The following FMN1 variants were observed in gnomAD, a reference collection of about 807,000 sequenced individuals.
FMN1 encodes formin-1.
In FMN1, 110 loss-of-function variants were observed where a neutral mutation model predicts 132.4. The ratio of observed to expected loss-of-function variants is 0.83; its 90% CI spans 0.71 to 0.97. The LOEUF (loss-of-function observed/expected upper bound fraction) is 0.97, where lower values mean the gene tolerates loss of function less well. FMN1 is among the 50% of genes least tolerant of loss of function. FMN1 has a pLI of 0.00. For synonymous variants in FMN1, 722 were observed against 651.7 expected (o/e 1.11, Z -1.64); for missense variants, 1,792 against 1,705.3 (o/e 1.05, Z -0.90).
rs528947363 is a variant in FMN1 at position 32,908,220 on chromosome 15, T to C, written c.3377+270A>G. 3.1e-4 allele frequency: 111 copies of C among 360,900 alleles called. 3 individuals are homozygous for C. In the South Asian group the frequency reaches 3.6e-3, roughly 12 times the overall value. The allele number at this position is 360,900 out of a possible 1,614,324, so 22.4% of individuals were successfully genotyped here. ...ACCCTTTTGGTCAAATTGTTTAGTC[T>C]AGGAGGAATTAACAAGTTGCTAGAA... On this transcript the variant is annotated intron_variant, in intron 12 of 20. Coordinates refer to ENST00000616417, the MANE Select transcript of FMN1 (RefSeq NM_001277313.2).
intron 6 of FMN1, among the ~76,000 whole-genome samples, chr15:33,035,108 A>G (rs955248164): frequency 6.6e-6 from 1 of 152,236 alleles, no homozygotes; most frequent in African/African-American, 2.4e-5. Context: ...AGGTGTCAAC[A>G]TATTTTTAAT....
At chr15:32,882,247 C>T (rs2059788562) in intron 16 of FMN1, among the ~76,000 whole-genome samples, 1 of 152,158 alleles carries the variant, frequency 6.6e-6, no homozygotes, top group Admixed American at 6.5e-5. Flanking sequence ...GGTGAGCCTG[C>T]AAACTGTAAA....
rs535390990 is a variant in FMN1 at position 33,125,815 on chromosome 15, T to C, written c.1867+27233A>G. Among the ~76,000 whole-genome samples, 10 of 152,346 alleles carry C rather than the reference T, an allele frequency of 6.6e-5. 1 individual carries two copies. Among genetic ancestry groups the C allele is most frequent in the Admixed American group, 6.5e-4 (10 of 15,312 alleles). On this transcript the variant is annotated intron_variant, in intron 4 of 20. Transcript: ENST00000616417. ...TGACTGAGCCCTTCCTATTTTCATG[T>C]AGTTCATCAAGAATGTGCTTCATCA...
At chr15:33,026,395 G>A (rs1424353001) in intron 6 of FMN1, among the ~76,000 whole-genome samples, 2 of 67,052 alleles carry the variant, frequency 3.0e-5, no homozygotes, top group South Asian at 7.9e-4. Context: ...AACATTAGAG[G>A]ATACGTCCAA....
intron 6 of FMN1, among the ~76,000 whole-genome samples, chr15:33,009,336 G>A (rs1367660926): frequency 6.6e-6 from 1 of 152,164 alleles, no homozygotes; most frequent in Non-Finnish European, 1.5e-5. Flanking sequence ...AGCAGACTGA[G>A]TGATCTACAT....
chr15:33,047,420 G>C (rs184463480), intron 6 of FMN1, among the ~76,000 whole-genome samples: 2 of 152,162 alleles, frequency 1.3e-5, no homozygotes, highest in Admixed American at 1.3e-4. Flanking sequence ...TGAGTAATAA[G>C]ATATTTAAAA....
chr15:33,113,058 A>G (rs77909202), intron 4 of FMN1, among the ~76,000 whole-genome samples: 10,110 of 152,268 alleles, frequency 0.066, 344 homozygotes, highest in Middle Eastern at 0.11. Context: ...CAAAATACTT[A>G]TATCTAAAGT....
chr15:33,188,209 G>A (rs1486060028), intron 2 of FMN1, among the ~76,000 whole-genome samples: 8 of 151,806 alleles, frequency 5.3e-5, no homozygotes, highest in African/African-American at 1.7e-4. Flanking sequence ...GTGTGGTGGC[G>A]CACGCCTGTG....
chr15:32,822,266 G>A (rs529803831), intron 17 of FMN1, among the ~76,000 whole-genome samples: 11 of 152,250 alleles, frequency 7.2e-5, no homozygotes, highest in African/African-American at 2.4e-4. Flanking sequence ...GGAGAATCAC[G>A]TGAACCCAGG....
chr15:32,970,344 A>G (rs1471278466), intron 7 of FMN1, among the ~76,000 whole-genome samples: 3 of 152,230 alleles, frequency 2.0e-5, no homozygotes, highest in African/African-American at 7.2e-5. Context: ...TTCAAAATCC[A>G]GTTTAACAGT....
At chr15:33,026,108 CA>C (rs2035655741) in intron 6 of FMN1, among the ~76,000 whole-genome samples, 1 of 107,104 alleles carries the variant, frequency 9.3e-6, no homozygotes, top group Non-Finnish European at 2.3e-5. Context: ...CACACACACA[CA>C]CACACACACA....
intron 4 of FMN1, among the ~76,000 whole-genome samples, chr15:33,094,421 T>C (rs2039006404): frequency 6.6e-6 from 1 of 152,224 alleles, no homozygotes; most frequent in East Asian, 1.9e-4. Context: ...GCTATTTTTC[T>C]TTTGTCAGAG....
intron 17 of FMN1, among the ~76,000 whole-genome samples, chr15:32,856,372 T>C (rs926597926): frequency 2.6e-5 from 4 of 152,248 alleles, no homozygotes; most frequent in African/African-American, 9.6e-5. Flanking sequence ...TACTTCCATG[T>C]TCACTAACCC....
At chr15:32,893,144 T>C (rs2060072835) in intron 15 of FMN1, among the ~76,000 whole-genome samples, 1 of 152,206 alleles carries the variant, frequency 6.6e-6, no homozygotes, top group Non-Finnish European at 1.5e-5. Flanking sequence ...TAGGATACAG[T>C]AGTTTTCTTC....
intron 10 of FMN1, among the ~76,000 whole-genome samples, chr15:32,912,525 A>G (rs1031733683): frequency 1.3e-5 from 2 of 152,232 alleles, no homozygotes; most frequent in African/African-American, 4.8e-5. Context: ...TAAACAAGTA[A>G]ATACATAATT....
intron 6 of FMN1, among the ~76,000 whole-genome samples, chr15:33,030,360 G>A (rs1028009124): frequency 9.9e-5 from 15 of 152,148 alleles, no homozygotes; most frequent in African/African-American, 2.9e-4. Flanking sequence ...GAATGTGACC[G>A]GAAAAGTTCA....
chr15:33,067,532 G>A lies in FMN1; in HGVS notation c.2044-2458C>T, dbSNP rs2037799099. ...AGTAGACAGTGGAAGCAGCTCTTGA[G>A]CAAGGAGAGATGTCCCTGCTTCTTT... On this transcript the variant is annotated intron_variant, in intron 5 of 20. Coordinates refer to ENST00000616417, the MANE Select transcript of FMN1 (RefSeq NM_001277313.2). 5.6e-6 allele frequency: 9 copies of A among 1,613,976 alleles called. No individual in the cohort carries two copies. The highest frequency in any genetic ancestry group is 7.6e-6 in the Non-Finnish European group (9 of 1,179,882).
intron 7 of FMN1, among the ~76,000 whole-genome samples, chr15:33,006,563 G>A (rs1039336314): frequency 6.6e-6 from 1 of 151,720 alleles, no homozygotes; most frequent in African/African-American, 2.4e-5. Context: ...AATGAAGTCA[G>A]TATGTTGAAG....
intron 6 of FMN1, among the ~76,000 whole-genome samples, chr15:33,018,372 T>G (rs1056657110): frequency 6.6e-6 from 1 of 151,954 alleles, no homozygotes; most frequent in East Asian, 1.9e-4. Flanking sequence ...GATTAGAGGG[T>G]TGGGACTTTC....
Sources: gnomAD v4.1 joint callset for allele counts (sites outside exome capture counted in the v4.1 genomes callset) on GRCh38, gnomAD v4.1.1 for gene constraint, MANE v1.5 for transcripts, NCBI Gene and HGNC (gene_info 2026-07-23, HGNC 2026-07-21) for gene names.